The following C10orf105 variants were observed in gnomAD, a reference collection of about 807,000 sequenced individuals.
C10orf105 encodes the protein uncharacterized protein C10orf105.
C10orf105 carries 2 observed loss-of-function variants against 0.6 expected under a neutral mutation model. That is an observed-to-expected ratio of 3.18 (90% CI 1.30 to 10.01). The LOEUF (loss-of-function observed/expected upper bound fraction) is 10.01, where lower values mean the gene tolerates loss of function less well. Among genes scored for constraint, C10orf105 ranks in the 30% most tolerant of loss-of-function variants. C10orf105 has a pLI of 0.04. For missense variants in C10orf105, 209 were observed against 191.4 expected (o/e 1.09, Z -0.54); for synonymous variants, 95 against 82.4 (o/e 1.15, Z -0.83).
chr10:71,727,370 A>G (rs16929266), intron 1 of C10orf105, among the ~76,000 whole-genome samples: 27,700 of 152,192 alleles, frequency 0.18, 2,690 homozygotes, highest in South Asian at 0.33. Flanking sequence ...GGTAATTTTA[A>G]GGTGAGAATT....
rs1320505989 is a variant in C10orf105 at position 71,713,501 on chromosome 10, T to C, written c.*2435A>G. On this transcript the variant is annotated 3_prime_UTR_variant, in exon 2 of 2. Coordinates refer to ENST00000441508, the MANE Select transcript of C10orf105 (RefSeq NM_001164375.3). ...CCCGGGCTTGGGAGGGACAGAAGCGTGGGAGGCTGGCAATGCTCCCCTCCC... is the reference window on the plus strand; with the variant it reads ...CCCGGGCTTGGGAGGGACAGAAGCGCGGGAGGCTGGCAATGCTCCCCTCCC... 1 of 549,840 alleles carries C rather than the reference T, an allele frequency of 1.8e-6. No homozygotes were observed. Among genetic ancestry groups the C allele is most frequent in the African/African-American group, 1.9e-5 (1 of 52,494 alleles). The allele number at this position is 549,840 out of a possible 1,614,324, so 34.1% of individuals were successfully genotyped here. A position where few individuals can be genotyped will look rare whatever the true frequency, so the allele number is the denominator to read the frequency against.
chr10:71,725,498 G>A (rs2132805690), intron 1 of C10orf105: 1 of 1,613,622 alleles, frequency 6.2e-7, no homozygotes, highest in Non-Finnish European at 8.5e-7. Flanking sequence ...CACGACCTGG[G>A]CCCCATGCGG....
In C10orf105 at chr10:71,734,342, G is replaced by A. The variant is rs1204500829; in HGVS notation, c.-6+3386C>T. 7 of 1,605,172 alleles carry A rather than the reference G, an allele frequency of 4.4e-6. No homozygotes were observed. The highest frequency in any genetic ancestry group is 6.0e-6 in the Non-Finnish European group (7 of 1,175,806). On this transcript the variant is annotated intron_variant, in intron 1 of 1. Coordinates refer to the C10orf105 transcript ENST00000398786. ...CGGCCCCAAGGTGGACTCCACCGTG[G>A]TGAGTGGGACCAGGGTGAGAGTCCC...
At chr10:71,736,675 C>CACA in intron 1 of C10orf105, among the ~76,000 whole-genome samples, 1 of 152,340 alleles carries the variant, frequency 6.6e-6, no homozygotes, top group East Asian at 1.9e-4. Flanking sequence ...CCCTGCCTTG[C>CACA]AGCCTCACCA....
chr10:71,716,769 T>G, intron 1 of C10orf105: 2 of 166,270 alleles, frequency 1.2e-5, no homozygotes, highest in African/African-American at 2.4e-5. Flanking sequence ...AGTAATCTAA[T>G]ACCAAAGCTG....
upstream of C10orf105, among the ~76,000 whole-genome samples, chr10:71,720,210 C>G (rs995352065): frequency 1.3e-5 from 2 of 152,202 alleles, no homozygotes; most frequent in Admixed American, 6.5e-5. Flanking sequence ...TGCAGCGTCC[C>G]TGGGCCCCAT....
chr10:71,736,001 C>A (rs1037167870), intron 1 of C10orf105, among the ~76,000 whole-genome samples: 1 of 152,268 alleles, frequency 6.6e-6, no homozygotes, highest in African/African-American at 2.4e-5. Context: ...ATACAATGGG[C>A]CCACCTGGCC....
chr10:71,729,328 G>C (rs890627652), intron 1 of C10orf105, among the ~76,000 whole-genome samples: 1 of 152,168 alleles, frequency 6.6e-6, no homozygotes, highest in South Asian at 2.1e-4. Context: ...TGTAAGAAGC[G>C]CCCACAGGAA....
In C10orf105 at chr10:71,716,352, C is replaced by A; in HGVS notation, c.-5-10G>T. On this transcript the variant is annotated splice_polypyrimidine_tract_variant and intron_variant, in intron 1 of 1. Coordinates refer to ENST00000441508, the MANE Select transcript of C10orf105 (RefSeq NM_001164375.3). ...TCTGTGCTCATGGCTCCTGCAACAG[C>A]AACAAGACAGAAGCTCAAAGGCAGA... 1 of 1,461,660 alleles carries A rather than the reference C, an allele frequency of 6.8e-7. No individual in the cohort carries two copies. Among genetic ancestry groups the A allele is most frequent in the Non-Finnish European group, 9.1e-7 (1 of 1,102,634 alleles). The allele number at this position is 1,461,660 out of a possible 1,614,324, so 90.5% of individuals were successfully genotyped here.
chr10:71,732,800 T>C lies in C10orf105; in HGVS notation c.-6+4928A>G, dbSNP rs561486540. 8 of 809,088 alleles carry C rather than the reference T, an allele frequency of 9.9e-6. No homozygotes were observed. In the East Asian group the frequency reaches 5.2e-4, roughly 52 times the overall value. The allele number at this position is 809,088 out of a possible 1,614,324, so 50.1% of individuals were successfully genotyped here. On this transcript the variant is annotated intron_variant, in intron 1 of 1. Transcript: ENST00000398786. ...CTTCACCTCTGGTCATCGAAGTGTG[T>C]GTGGGGTTTTCCCCCATTATCGGCA...
At chr10:71,726,118 GGTT>G (rs1390925503) in intron 1 of C10orf105, among the ~76,000 whole-genome samples, 3 of 152,142 alleles carry the variant, frequency 2.0e-5, no homozygotes, top group African/African-American at 7.2e-5. Flanking sequence ...TGTTCCCACT[GGTT>G]GTGTTATGTG....
Position 71,712,238 on chromosome 10 carries a change from G to A in C10orf105, c.*3698C>T. 1 of 165,062 alleles carries A rather than the reference G, an allele frequency of 6.1e-6. No homozygotes were observed. The highest frequency in any genetic ancestry group is 1.6e-4 in the East Asian group (1 of 6,152). 10.2% of individuals were successfully genotyped at this position (165,062 alleles called of 1,614,324 possible). ...TTTATGGGCCACCCAGCTCACCCAG[G>A]ATGATCACTTCTCAAGATCCTTAAC... is the stretch of plus-strand genomic sequence containing the variant. On this transcript the variant is annotated 3_prime_UTR_variant, in exon 2 of 2. Transcript: ENST00000441508.
chr10:71,737,167 C>T (rs1027253150), intron 1 of C10orf105, among the ~76,000 whole-genome samples: 1 of 152,166 alleles, frequency 6.6e-6, no homozygotes, highest in Non-Finnish European at 1.5e-5. Context: ...TCAGGGACCT[C>T]AGGGAACTCC....
In C10orf105 at chr10:71,715,178, C is replaced by T; in HGVS notation, c.*758G>A. On this transcript the variant is annotated 3_prime_UTR_variant, in exon 2 of 2. Transcript: ENST00000441508. ...ATCACCTCCAGCTGCTGGAAATGCC[C>T]TGCCTCTTGCCACTCTGTCACAGCA... The T allele has an allele frequency of 6.6e-6, 1 of 152,474 alleles. No homozygotes were observed. Among genetic ancestry groups the T allele is most frequent in the East Asian group, 1.9e-4 (1 of 5,190 alleles). The allele number at this position is 152,474 out of a possible 1,614,324, so 9.4% of individuals were successfully genotyped here. A position where few individuals can be genotyped will look rare whatever the true frequency, so the allele number is the denominator to read the frequency against.
chr10:71,723,856 G>A (rs1453590637), upstream of C10orf105, among the ~76,000 whole-genome samples: 6 of 152,122 alleles, frequency 3.9e-5, no homozygotes, highest in South Asian at 6.2e-4. Context: ...ATCAGCGGTC[G>A]GACATCCTCT....
At chr10:71,727,484 G>T (rs1333198472) in intron 1 of C10orf105, among the ~76,000 whole-genome samples, 1 of 152,204 alleles carries the variant, frequency 6.6e-6, no homozygotes, top group East Asian at 1.9e-4. Context: ...GCAATGTGGG[G>T]ACTCTGGCTT....
chr10:71,723,082 T>C (rs1866630097), upstream of C10orf105, among the ~76,000 whole-genome samples: 2 of 152,176 alleles, frequency 1.3e-5, no homozygotes, highest in Admixed American at 1.3e-4. Context: ...GCAGCTCCCA[T>C]GCACACCACA....
chr10:71,713,373 G>A lies in C10orf105; in HGVS notation c.*2563C>T. 1.4e-6 allele frequency: 1 copy of A among 738,068 alleles called. No homozygotes were observed. Among genetic ancestry groups the A allele is most frequent in the Non-Finnish European group, 2.5e-6 (1 of 399,178 alleles). 45.7% of individuals were successfully genotyped at this position (738,068 alleles called of 1,614,324 possible). A position where few individuals can be genotyped will look rare whatever the true frequency, so the allele number is the denominator to read the frequency against. On this transcript the variant is annotated 3_prime_UTR_variant, in exon 2 of 2. Coordinates refer to ENST00000441508, the MANE Select transcript of C10orf105 (RefSeq NM_001164375.3). ...GCCCAGAGGCCTCAGTTGCTGGGTG[G>A]GGAGGGAGGCCCGGAGTGAATGAGT... is the stretch of plus-strand genomic sequence containing the variant.
intron 1 of C10orf105, chr10:71,730,660 C>G: frequency 6.2e-7 from 1 of 1,602,414 alleles, no homozygotes; most frequent in Non-Finnish European, 8.5e-7. Flanking sequence ...ACCTCCCCAG[C>G]TCACCCAGCC....
Sources: gnomAD v4.1 joint callset for allele counts (sites outside exome capture counted in the v4.1 genomes callset) on GRCh38, gnomAD v4.1.1 for gene constraint, MANE v1.5 for transcripts, NCBI Gene and HGNC (gene_info 2026-07-23, HGNC 2026-07-21) for gene names.